Variants in PES1 observed in about 807,000 individuals in gnomAD.
PES1 encodes the protein pescadillo ribosomal biogenesis factor 1.
A neutral mutation model predicts 77.1 loss-of-function variants in PES1; 31 were observed. That is an observed-to-expected ratio of 0.40 (90% confidence interval 0.30 to 0.54). The LOEUF (loss-of-function observed/expected upper bound fraction) is 0.54. Ranked by LOEUF, PES1 falls within the 20% of genes least tolerant of loss-of-function variation. The pLI is 0.45. For synonymous variants in PES1, 282 were observed against 303.0 expected (o/e 0.93, Z 0.72); for missense variants, 658 against 771.7 (o/e 0.85, Z 1.75).
In PES1 at chr22:30,588,031, C is replaced by T. The variant is rs143909198; in HGVS notation, c.248G>A (p.Arg83His). 811 of 1,613,724 alleles carry T rather than the reference C, an allele frequency of 5.0e-4. 2 individuals are homozygous for T. The highest frequency in any genetic ancestry group is 6.3e-4 in the Non-Finnish European group (738 of 1,180,038). The part of the protein sequence containing the change: ...LLHEPIVNKF[R>H]EYKVFVRKLR... ...GAGCCCAGACCTCACCTTGTATTCA[C>T]GGAACTTGTTGACAATGGGTTCGTG... The change falls in exon 3 of 15, where the codon CGT becomes CAT. Residue 83 changes from arginine to histidine, a missense_variant. Physicochemically the swap from Arg to His is conservative, Grantham distance 29 (BLOSUM62 0). Transcript: ENST00000354694.
chr22:30,592,004 C>G, upstream of PES1: 2 of 1,382,554 alleles, frequency 1.4e-6, no homozygotes, highest in Non-Finnish European at 9.3e-7. Context: ...ATTTCCTCCT[C>G]AAGATTTAAA....
intron 2 of PES1, among the ~76,000 whole-genome samples, chr22:30,598,912 T>TTTAA (rs761643665): frequency 1.7e-5 from 2 of 116,414 alleles, no homozygotes; most frequent in African/African-American, 6.8e-5. Flanking sequence ...TTTTTTTTTT[T>TTTAA]TTGAGATGGA....
In PES1 at chr22:30,591,798, T is replaced by C. The variant is rs1440940631; in HGVS notation, c.24+12A>G. ...CCACCCCTCGGGAATCCCCACCGTCTTTCCCAATCACCTTCTTCTTCTCAA... is the reference window on the plus strand; with the variant it reads ...CCACCCCTCGGGAATCCCCACCGTCCTTCCCAATCACCTTCTTCTTCTCAA... On this transcript the variant is annotated intron_variant, in intron 1 of 14. Transcript: ENST00000354694. The C allele has an allele frequency of 3.8e-6, 6 of 1,561,230 alleles. No individual in the cohort carries two copies. The highest frequency in any genetic ancestry group is 3.5e-6 in the Non-Finnish European group (4 of 1,153,538).
intron 2 of PES1, among the ~76,000 whole-genome samples, chr22:30,599,405 T>C (rs1359250934): frequency 6.6e-6 from 1 of 152,190 alleles, no homozygotes; most frequent in African/African-American, 2.4e-5. Flanking sequence ...ATGACCTTTG[T>C]GTGTGATTTT....
At chr22:30,603,719 C>G (rs2087394718) in intron 2 of PES1, 1 of 152,156 alleles carries the variant, frequency 6.6e-6, no homozygotes, top group Non-Finnish European at 1.5e-5. Context: ...CTTTTAATCA[C>G]TAAAATAGAT....
Position 30,587,339 on chromosome 22 carries a change from C to T in PES1, c.315G>A (p.Glu105=). ...AGTTGGGCTTATTGTCCTTTAAACG[C>T]TCTACAGTGTTCCACTCGCTCTTCC... The part of the protein sequence containing the change: ...AYGKSEWNTV[E]RLKDNKPNYK... The change falls in exon 4 of 15, where the codon GAG becomes GAA. Residue 105 remains glutamate, a synonymous_variant. Coordinates refer to ENST00000354694, the MANE Select transcript of PES1 (RefSeq NM_014303.4). 6.2e-7 allele frequency: 1 copy of T among 1,613,978 alleles called. No homozygotes were observed. Among genetic ancestry groups the T allele is most frequent in the Non-Finnish European group, 8.5e-7 (1 of 1,179,954 alleles).
At chr22:30,599,544 TAAC>T (rs1263884638) in intron 2 of PES1, among the ~76,000 whole-genome samples, 3 of 152,142 alleles carry the variant, frequency 2.0e-5, no homozygotes, top group African/African-American at 7.2e-5. Context: ...GCTGTAAAAA[TAAC>T]AAATTTAATG....
chr22:30,578,752 A>G, intron 14 of PES1, 85 bp downstream of exon 14: 3 of 1,432,490 alleles, frequency 2.1e-6, no homozygotes, highest in Non-Finnish European at 2.9e-6. Context: ...GTCTGCCTAG[A>G]GGAGGGCCCC....
chr22:30,582,899 C>G (rs893752456), intron 6 of PES1, among the ~76,000 whole-genome samples: 3 of 152,240 alleles, frequency 2.0e-5, no homozygotes, highest in Non-Finnish European at 4.4e-5. Flanking sequence ...GAACCCAACC[C>G]TGGCTGCTCA....
intron 12 of PES1, 94 bp downstream of exon 12, chr22:30,579,657 C>T: frequency 1.6e-6 from 2 of 1,241,044 alleles, no homozygotes; most frequent in Admixed American, 2.0e-5. Flanking sequence ...TCTGCTCCTA[C>T]TGCCTGTTCC....
At chr22:30,596,968 G>A (rs146037057) in intron 2 of PES1, among the ~76,000 whole-genome samples, 9,946 of 151,830 alleles carry the variant, frequency 0.066, 456 homozygotes, top group Non-Finnish European at 0.1. Context: ...CCAGCCGGCC[G>A]GCCCCGCTGG....
At chr22:30,598,295 C>A (rs1282136420) in intron 2 of PES1, 1 of 152,022 alleles carries the variant, frequency 6.6e-6, no homozygotes, top group Non-Finnish European at 1.5e-5. Flanking sequence ...TCAGAAGGAA[C>A]AAACTCCGGA....
At chr22:30,580,884 C>T in intron 9 of PES1, 128 bp downstream of exon 9, 1 of 1,167,254 alleles carries the variant, frequency 8.6e-7, no homozygotes, top group Non-Finnish European at 1.2e-6. Context: ...ACAATTCAGC[C>T]CATTCTTCTG....
chr22:30,605,136 C>A (rs1168830779), intron 2 of PES1, among the ~76,000 whole-genome samples: 1 of 152,086 alleles, frequency 6.6e-6, no homozygotes, highest in African/African-American at 2.4e-5. Context: ...CTGAGACTTA[C>A]AGGCACACAC....
chr22:30,605,528 G>C (rs2087425627), intron 1 of PES1: 1 of 976,870 alleles, frequency 1.0e-6, no homozygotes, highest in East Asian at 1.1e-4. Context: ...CTGGAAATAG[G>C]AATCATAATA....
At chr22:30,580,396 C>T (rs35971909) in intron 10 of PES1, among the ~76,000 whole-genome samples, 175 bp downstream of exon 10, 3,733 of 152,308 alleles carry the variant, frequency 0.025, 59 homozygotes, top group Middle Eastern at 0.041. Flanking sequence ...ACGGCAGTTC[C>T]GCCCTCTGCT....
At chr22:30,589,365 T>A in intron 1 of PES1, 95 bp from the exon 2 acceptor site, 1 of 1,029,498 alleles carries the variant, frequency 9.7e-7, no homozygotes, top group Admixed American at 2.1e-5. Context: ...ACTATCACTC[T>A]GGATAAGTGG....
In PES1 at chr22:30,588,787, GA is replaced by G. The variant is rs76819746; in HGVS notation, c.104+403del. On this transcript the variant is annotated intron_variant, in intron 2 of 14. Transcript: ENST00000354694. Reference sequence around the variant, plus strand: ...AACAGAGTGAGACTCTGTCTCCGGGGAAAAAAAAAAAAAAAGTGGGCCAGGT... The same window carrying G: ...AACAGAGTGAGACTCTGTCTCCGGGGAAAAAAAAAAAAAAGTGGGCCAGGT... 3.1e-3 allele frequency among the ~76,000 whole-genome samples: 433 copies of G among 137,766 alleles called. 3 individuals carry two copies. The highest frequency in any genetic ancestry group is 0.024 in the South Asian group (105 of 4,294). The allele number at this position is 137,766 out of a possible 152,430, so 90.4% of individuals were successfully genotyped here.
At chr22:30,588,787 G>GAAAAA (rs76819746) in intron 2 of PES1, among the ~76,000 whole-genome samples, 1 of 137,936 alleles carries the variant, frequency 7.2e-6, no homozygotes, top group African/African-American at 2.7e-5. Context: ...TGTCTCCGGG[G>GAAAAA]AAAAAAAAAA....
Sources: allele counts gnomAD v4.1 joint callset (sites outside exome capture counted in the v4.1 genomes callset), GRCh38; gene constraint gnomAD v4.1.1; transcripts MANE v1.5; gene names NCBI Gene and HGNC (gene_info 2026-07-23, HGNC 2026-07-21).